The following GPM6A variants were observed in gnomAD, a reference collection of about 807,000 sequenced individuals.
The protein encoded by GPM6A is neuronal membrane glycoprotein M6-a.
A neutral mutation model predicts 32.1 loss-of-function variants in GPM6A; 7 were observed. That is an observed-to-expected ratio of 0.22 (90% CI 0.12 to 0.41). GPM6A has a LOEUF of 0.41. GPM6A is among the 10% of genes least tolerant of loss of function. The pLI is 1.00. For synonymous variants in GPM6A, 130 were observed against 123.4 expected, an observed-to-expected ratio of 1.05 and a Z score of -0.35; for missense variants, 235 against 347.2, an observed-to-expected ratio of 0.68 and a Z score of 2.57.
rs1290579923 is a variant in GPM6A, at chr4:175,942,297, TG to T, written c.-23+60011del. Among the ~76,000 whole-genome samples the T allele has an allele frequency of 4.6e-5, 7 of 152,194 alleles. No homozygotes were observed. The East Asian group carries it at 1.3e-3, about 29-fold the overall frequency. On this transcript the variant is annotated intron_variant, in intron 1 of 7. Transcript: ENST00000280187. ...ATTATTCCTTTGTCAGATGGAGAGA[TG>T]GCAAAAATTTTCTCCCATTCTGTAG...
At chr4:175,785,055 A>G (rs539423521) in intron 1 of GPM6A, among the ~76,000 whole-genome samples, 83 of 152,318 alleles carry the variant, frequency 5.4e-4, no homozygotes, top group African/African-American at 1.9e-3. Flanking sequence ...AGCTTGAGTG[A>G]CTTGGCTTTG....
chr4:175,668,873 C>G (rs928369106), intron 3 of GPM6A, among the ~76,000 whole-genome samples: 1 of 151,976 alleles, frequency 6.6e-6, no homozygotes, highest in Non-Finnish European at 1.5e-5. Flanking sequence ...AACAGATAAC[C>G]ATCCTATTAA....
At chr4:175,838,182 G>A (rs890875299) in intron 1 of GPM6A, among the ~76,000 whole-genome samples, 1 of 150,294 alleles carries the variant, frequency 6.7e-6, no homozygotes, top group Non-Finnish European at 1.5e-5. Context: ...TTCTGCTTGA[G>A]TTTTCCAAGA....
At chr4:175,655,047 G>T (rs1211253562) in intron 3 of GPM6A, among the ~76,000 whole-genome samples, 1 of 152,066 alleles carries the variant, frequency 6.6e-6, no homozygotes, top group Non-Finnish European at 1.5e-5. Context: ...GAAGTGTGTT[G>T]TTACTGCTAC....
intron 5 of GPM6A, among the ~76,000 whole-genome samples, 168 bp from the exon 6 acceptor site, chr4:175,640,362 C>G (rs1022591567): frequency 6.6e-6 from 1 of 152,136 alleles, no homozygotes; most frequent in Non-Finnish European, 1.5e-5. Flanking sequence ...TTTTCCCCTG[C>G]AAATCATTTA....
chr4:175,860,473 C>A (rs1204673432), intron 1 of GPM6A, among the ~76,000 whole-genome samples: 1 of 151,852 alleles, frequency 6.6e-6, no homozygotes, highest in South Asian at 2.1e-4. Context: ...CCATGAAAGA[C>A]ACAAATTACC....
chr4:175,915,211 A>C (rs1300858703), intron 1 of GPM6A, among the ~76,000 whole-genome samples: 1 of 152,204 alleles, frequency 6.6e-6, no homozygotes, highest in Non-Finnish European at 1.5e-5. Flanking sequence ...TGAAACCAAA[A>C]GGCAAATAAT....
chr4:175,925,231 G>A (rs1277346242), intron 1 of GPM6A, among the ~76,000 whole-genome samples: 1 of 152,178 alleles, frequency 6.6e-6, no homozygotes, highest in East Asian at 1.9e-4. Flanking sequence ...GGAAATGGGT[G>A]TTTACACATC....
At chr4:175,891,117 A>C (rs561681932) in intron 1 of GPM6A, among the ~76,000 whole-genome samples, 1 of 152,148 alleles carries the variant, frequency 6.6e-6, no homozygotes, top group South Asian at 2.1e-4. Context: ...AACATAAGTA[A>C]TTTTACATCA....
chr4:175,861,749 G>GAA lies in GPM6A; in HGVS notation c.-22-49502_-22-49501dup, dbSNP rs10716525. ...TGGGTGAGAGAGAGAAAGAGACTCT[G>GAA]AAAAAAAAAAAAAAAAAAAAGAACA... On this transcript the variant is annotated intron_variant, in intron 1 of 7. Transcript: ENST00000280187. Among the ~76,000 whole-genome samples the GAA allele has an allele frequency of 1.4e-3, 122 of 87,206 alleles. 3 individuals carry two copies. Among genetic ancestry groups the GAA allele is most frequent in the East Asian group, 7.2e-3 (22 of 3,054 alleles). 57.2% of individuals were successfully genotyped at this position (87,206 alleles called of 152,430 possible).
upstream of GPM6A, among the ~76,000 whole-genome samples, chr4:175,817,092 T>C (rs896079088): frequency 1.3e-5 from 2 of 152,118 alleles, no homozygotes; most frequent in Non-Finnish European, 2.9e-5. Context: ...TCTCCTGACT[T>C]CGTGATCCGC....
intron 1 of GPM6A, among the ~76,000 whole-genome samples, chr4:175,796,791 A>G (rs931172033): frequency 1.3e-5 from 2 of 152,228 alleles, no homozygotes; most frequent in Admixed American, 6.5e-5. Flanking sequence ...AAAACAAAGA[A>G]GCAAACAGCA....
At chr4:175,954,444 T>C (rs1739919012) in intron 1 of GPM6A, among the ~76,000 whole-genome samples, 1 of 152,194 alleles carries the variant, frequency 6.6e-6, no homozygotes, top group Non-Finnish European at 1.5e-5. Context: ...GTGCCCCAGT[T>C]TCCTCACCTG....
Position 175,952,470 on chromosome 4 carries a change from C to T in GPM6A, c.-23+49839G>A, listed in dbSNP as rs573070673. 3.2e-4 allele frequency among the ~76,000 whole-genome samples: 49 copies of T among 152,142 alleles called. 2 individuals are homozygous for T. In the South Asian group the frequency reaches 0.01, roughly 32 times the overall value. On this transcript the variant is annotated intron_variant, in intron 1 of 7. Coordinates refer to the GPM6A transcript ENST00000280187. The stretch of plus-strand genomic sequence containing the variant: ...ATTATTCAGTTATTTTCCCAGTTGC[C>T]CATTGTAACAAGGAGCGGAGGCTAC...
chr4:175,635,926 A>T (rs1054869497), intron 6 of GPM6A, among the ~76,000 whole-genome samples: 1 of 152,050 alleles, frequency 6.6e-6, no homozygotes, highest in African/African-American at 2.4e-5. Context: ...AAAATAGAAC[A>T]CTAAGATTTT....
chr4:175,670,861 ATTT>A (rs33998725), intron 3 of GPM6A, among the ~76,000 whole-genome samples: 17 of 124,168 alleles, frequency 1.4e-4, no homozygotes, highest in African/African-American at 2.6e-4. Flanking sequence ...ATGTTGCTTC[ATTT>A]TTTTTTTTTT....
intron 1 of GPM6A, among the ~76,000 whole-genome samples, chr4:175,802,841 A>G (rs532692564): frequency 2.0e-4 from 31 of 152,144 alleles, no homozygotes; most frequent in South Asian, 1.2e-3. Flanking sequence ...CAGAATCACA[A>G]TGCTAAAAAT....
intron 1 of GPM6A, among the ~76,000 whole-genome samples, chr4:175,739,299 T>C (rs948309785): frequency 6.6e-6 from 1 of 152,134 alleles, no homozygotes; most frequent in African/African-American, 2.4e-5. Context: ...GAAATATAAA[T>C]TCAATCGTCA....
At chr4:175,956,963 A>G (rs1264207785) in intron 1 of GPM6A, among the ~76,000 whole-genome samples, 2 of 152,232 alleles carry the variant, frequency 1.3e-5, no homozygotes, top group Non-Finnish European at 2.9e-5. Context: ...GGGAAAGTAA[A>G]CAGAAATTAC....
Sources: allele counts gnomAD v4.1 joint callset (sites outside exome capture counted in the v4.1 genomes callset), GRCh38; gene constraint gnomAD v4.1.1; transcripts MANE v1.5; gene names NCBI Gene and HGNC (gene_info 2026-07-23, HGNC 2026-07-21).